PPP2R5C: variants seen among roughly 807,000 people sequenced by gnomAD.
The protein encoded by PPP2R5C is serine/threonine-protein phosphatase 2A 56 kDa regulatory subunit gamma isoform.
In PPP2R5C, 7 loss-of-function variants were observed where a neutral mutation model predicts 68.9. That is an observed-to-expected ratio of 0.10 (90% CI 0.06 to 0.19). The LOEUF (loss-of-function observed/expected upper bound fraction) is 0.19, where lower values mean the gene tolerates loss of function less well. PPP2R5C is among the 10% of genes least tolerant of loss of function. The probability of loss-of-function intolerance (pLI) is 1.00; values close to 1 mark genes in which losing one functional copy is unlikely to be tolerated. For synonymous variants in PPP2R5C, 210 were observed against 222.2 expected (o/e 0.95, Z 0.49); for missense variants, 348 against 641.3 (o/e 0.54, Z 4.94).
rs1009724939 is a variant in PPP2R5C at position 101,920,166 on chromosome 14, C to T, written c.1443+2219C>T. ...GTCCTGCTCTGTAGTAGATCAAGAA[C>T]TTGATCAAGAATGCAAACCAAAATA... On this transcript the variant is annotated intron_variant, in intron 13 of 13. Transcript: ENST00000334743. Among the ~76,000 whole-genome samples the T allele has an allele frequency of 2.0e-5, 3 of 152,160 alleles. No individual in the cohort carries two copies. The East Asian group carries it at 5.8e-4, about 29-fold the overall frequency.
chr14:101,761,758 A>G, upstream of PPP2R5C: 1 of 953,536 alleles, frequency 1.0e-6, no homozygotes, highest in Non-Finnish European at 1.2e-6. Flanking sequence ...GGGAAGCGAG[A>G]GCAAGCGAAA....
At chr14:101,795,915 C>G (rs1284612284) in intron 3 of PPP2R5C, among the ~76,000 whole-genome samples, 1 of 152,160 alleles carries the variant, frequency 6.6e-6, no homozygotes, top group Non-Finnish European at 1.5e-5. Context: ...CTGGACCTCC[C>G]AGGCTCAAGC....
At chr14:101,871,704 T>A (rs1218914149) in intron 2 of PPP2R5C, among the ~76,000 whole-genome samples, 1 of 152,140 alleles carries the variant, frequency 6.6e-6, no homozygotes, top group Non-Finnish European at 1.5e-5. Flanking sequence ...TTGTCTGCAT[T>A]CTTTTGGATC....
intron 8 of PPP2R5C, among the ~76,000 whole-genome samples, chr14:101,897,402 AT>A (rs56037155): frequency 0.13 from 17,860 of 141,198 alleles, 1,550 homozygotes; most frequent in African/African-American, 0.26. Flanking sequence ...GAGAGGTTGT[AT>A]TTTTTTTTTT....
chr14:101,883,622 T>C (rs1266892139), intron 5 of PPP2R5C, 60 bp downstream of exon 7: 2 of 1,580,780 alleles, frequency 1.3e-6, no homozygotes, highest in Non-Finnish European at 1.7e-6. Flanking sequence ...CCCCCCTCGA[T>C]GCTCCCCTAC....
At chr14:101,925,254 C>T (rs770965770) in exon 14 of PPP2R5C, 30 of 1,613,280 alleles carry the variant, frequency 1.9e-5, no homozygotes, top group Non-Finnish European at 2.5e-5. Flanking sequence ...ATGAGCTGGC[C>T]TCCCAGGACG....
chr14:101,794,737 C>T (rs567900225), intron 3 of PPP2R5C, among the ~76,000 whole-genome samples: 3 of 152,184 alleles, frequency 2.0e-5, no homozygotes, highest in Non-Finnish European at 2.9e-5. Flanking sequence ...TCATTATCAT[C>T]GCTCTTGTAA....
chr14:101,779,450 C>A (rs1363168242), intron 2 of PPP2R5C, among the ~76,000 whole-genome samples: 2 of 152,054 alleles, frequency 1.3e-5, no homozygotes, highest in African/African-American at 4.8e-5. Flanking sequence ...GAACTGAAGG[C>A]TGAGTAGATC....
At chr14:101,793,341 T>C (rs2038450482) in intron 3 of PPP2R5C, among the ~76,000 whole-genome samples, 1 of 152,244 alleles carries the variant, frequency 6.6e-6, no homozygotes, top group Non-Finnish European at 1.5e-5. Flanking sequence ...TACATTCATA[T>C]TGATATTTTA....
intron 2 of PPP2R5C, among the ~76,000 whole-genome samples, chr14:101,871,627 T>C (rs2043421690): frequency 6.6e-6 from 1 of 152,210 alleles, no homozygotes; most frequent in Non-Finnish European, 1.5e-5. Context: ...ATGAATGTAC[T>C]TGGGTTTAAA....
At chr14:101,849,642 T>C (rs2042030167) in intron 1 of PPP2R5C, among the ~76,000 whole-genome samples, 1 of 91,256 alleles carries the variant, frequency 1.1e-5, no homozygotes. Context: ...GTGGATGTCT[T>C]GATGAAGGAA....
At chr14:101,804,502 T>A (rs554859947) in intron 3 of PPP2R5C, among the ~76,000 whole-genome samples, 47 of 114,456 alleles carry the variant, frequency 4.1e-4, no homozygotes, top group South Asian at 1.8e-3. Context: ...GAATAAAAAA[T>A]ATATATATAT....
At chr14:101,889,681 C>T (rs1368263380) in intron 5 of PPP2R5C, 4 of 256,638 alleles carry the variant, frequency 1.6e-5, no homozygotes, top group Non-Finnish European at 1.5e-5. Context: ...TCAGAAAGAT[C>T]GCACCTGAGA....
At chr14:101,761,532 C>G (rs2036526617), upstream of PPP2R5C, among the ~76,000 whole-genome samples, 2 of 144,614 alleles carry the variant, frequency 1.4e-5, no homozygotes, top group Non-Finnish European at 3.0e-5. Flanking sequence ...TACGTGGGGG[C>G]GCGTCGACCA....
intron 2 of PPP2R5C, among the ~76,000 whole-genome samples, chr14:101,861,532 C>T (rs984605106): frequency 9.9e-5 from 15 of 152,204 alleles, no homozygotes; most frequent in African/African-American, 3.4e-4. Context: ...CAACCACACA[C>T]CCCAGTAGAA....
intron 2 of PPP2R5C, among the ~76,000 whole-genome samples, chr14:101,857,634 G>T (rs1034715685): frequency 1.3e-5 from 2 of 152,342 alleles, no homozygotes; most frequent in African/African-American, 4.8e-5. Context: ...TCCTCAGTCA[G>T]TACCACCTGG....
chr14:101,820,704 G>A (rs1242286426), intron 1 of PPP2R5C: 2 of 152,156 alleles, frequency 1.3e-5, no homozygotes, highest in African/African-American at 4.8e-5. Context: ...GTTGAACACA[G>A]AAGCATGTCG....
At chr14:101,875,692 T>C (rs1192709423) in intron 2 of PPP2R5C, among the ~76,000 whole-genome samples, 1 of 152,200 alleles carries the variant, frequency 6.6e-6, no homozygotes, top group East Asian at 1.9e-4. Context: ...GGGTAGTATC[T>C]CCCTTTAAGA....
At chr14:101,847,836 T>C (rs1271389765) in intron 1 of PPP2R5C, among the ~76,000 whole-genome samples, 1 of 152,108 alleles carries the variant, frequency 6.6e-6, no homozygotes. Context: ...CTAATTTTTG[T>C]ATTTTTAGTA....
Sources: gnomAD v4.1 joint callset for allele counts (sites outside exome capture counted in the v4.1 genomes callset) on GRCh38, gnomAD v4.1.1 for gene constraint, MANE v1.5 for transcripts, NCBI Gene and HGNC (gene_info 2026-07-23, HGNC 2026-07-21) for gene names.